The following PRR23D2 variants were observed in gnomAD, a reference collection of about 807,000 sequenced individuals.
PRR23D2 encodes the protein proline rich 23 domain containing 2, also known as proline-rich protein 23D2.
chr8:7,783,073 C>A (rs1486218070), upstream of PRR23D2, among the ~76,000 whole-genome samples: 3 of 152,214 alleles, frequency 2.0e-5, no homozygotes, highest in East Asian at 5.8e-4. Context: ...CTGTGTGTCA[C>A]GTCTAGCTGA....
At chr8:7,783,980 G>A (rs1386264652), upstream of PRR23D2, among the ~76,000 whole-genome samples, 11 of 141,446 alleles carry the variant, frequency 7.8e-5, no homozygotes, top group African/African-American at 2.2e-4. Context: ...GCCTGAGGAA[G>A]GGAAGTTCCC....
chr8:7,782,180 TAA>T (rs1194299424), upstream of PRR23D2, among the ~76,000 whole-genome samples: 8 of 66,878 alleles, frequency 1.2e-4, 3 homozygotes, highest in Admixed American at 1.5e-3. Context: ...GCGAATACTA[TAA>T]GACAAGCTGG....
upstream of PRR23D2, among the ~76,000 whole-genome samples, chr8:7,783,242 GAAT>G (rs1360588552): frequency 6.6e-4 from 99 of 149,924 alleles, no homozygotes; most frequent in Non-Finnish European, 1.3e-3. Context: ...CTGCAGCACA[GAAT>G]AATAACTTAT....
At chr8:7,783,206 G>A (rs1251645822), upstream of PRR23D2, among the ~76,000 whole-genome samples, 1 of 152,130 alleles carries the variant, frequency 6.6e-6, no homozygotes. Flanking sequence ...TAATAAATTT[G>A]CAGCATAAAT....
chr8:7,779,851 TG>T, intron 3 of PRR23D2, 58 bp from the exon 4 acceptor site: 1 of 162,696 alleles, frequency 6.1e-6, no homozygotes, highest in Non-Finnish European at 9.3e-6. Context: ...ATGATGCTCA[TG>T]GGGAGGGAGA....
At chr8:7,783,192 AAATT>A (rs1365873424), upstream of PRR23D2, among the ~76,000 whole-genome samples, 2 of 152,236 alleles carry the variant, frequency 1.3e-5, no homozygotes, top group Non-Finnish European at 2.9e-5. Flanking sequence ...TTTAATAGAT[AAATT>A]AATAAATTTG....
upstream of PRR23D2, among the ~76,000 whole-genome samples, chr8:7,783,189 GATAA>G (rs1468806016): frequency 1.3e-5 from 2 of 152,346 alleles, no homozygotes; most frequent in Non-Finnish European, 1.5e-5. Flanking sequence ...TGTTTTAATA[GATAA>G]ATTAATAAAT....
upstream of PRR23D2, among the ~76,000 whole-genome samples, chr8:7,782,776 GA>G (rs1309081278): frequency 1.3e-5 from 1 of 74,154 alleles, no homozygotes; most frequent in Non-Finnish European, 2.8e-5. Flanking sequence ...TGAATAAAAG[GA>G]AAACAGGAAG....
At chr8:7,783,892 C>T (rs1327696128), upstream of PRR23D2, among the ~76,000 whole-genome samples, 1 of 151,042 alleles carries the variant, frequency 6.6e-6, no homozygotes, top group African/African-American at 2.4e-5. Flanking sequence ...GCAGGTAGGG[C>T]TGTGAACAGC....
chr8:7,783,584 C>A (rs1280071673), upstream of PRR23D2, among the ~76,000 whole-genome samples: 1 of 86,736 alleles, frequency 1.2e-5, no homozygotes, highest in Non-Finnish European at 2.4e-5. Flanking sequence ...CGCCGCCGTG[C>A]CCCGGCCACA....
chr8:7,782,189 C>A (rs1394527927), upstream of PRR23D2, among the ~76,000 whole-genome samples: 1 of 67,670 alleles, frequency 1.5e-5, no homozygotes, highest in Non-Finnish European at 2.7e-5. Flanking sequence ...ATAAGACAAG[C>A]TGGGGAAAAT....
chr8:7,783,122 T>A (rs1166345677), upstream of PRR23D2, among the ~76,000 whole-genome samples: 1 of 152,290 alleles, frequency 6.6e-6, no homozygotes, highest in Admixed American at 6.5e-5. Context: ...AATAAAAATA[T>A]GAGGGACGTG....
chr8:7,784,124 G>A (rs1816548654), upstream of PRR23D2, among the ~76,000 whole-genome samples: 1 of 127,342 alleles, frequency 7.9e-6, no homozygotes, highest in Admixed American at 8.5e-5. Flanking sequence ...ACTGTTTAGC[G>A]GTTGACCTGC....
chr8:7,784,153 C>A (rs1339406392), upstream of PRR23D2, among the ~76,000 whole-genome samples: 3 of 121,868 alleles, frequency 2.5e-5, no homozygotes, highest in African/African-American at 5.3e-5. Context: ...CGCTGAAATT[C>A]CGGTTTTATC....
Position 7,780,041 on chromosome 8 carries a change from TG to T in PRR23D2, c.187del (p.Gln63SerfsTer18). 1.6e-6 allele frequency: 1 copy of T among 611,532 alleles called. No homozygotes were observed. Among genetic ancestry groups the T allele is most frequent in the Non-Finnish European group, 2.1e-6 (1 of 470,542 alleles). The allele number at this position is 611,532 out of a possible 1,614,324, so 37.9% of individuals were successfully genotyped here. A position where few individuals can be genotyped will look rare whatever the true frequency, so the allele number is the denominator to read the frequency against. On this transcript the variant is annotated frameshift_variant, in exon 3 of 4. Transcript: ENST00000528972. LOFTEE classifies it high-confidence loss of function. ...ACTTACCTGGGGAAGTTCCAGGGACTGGTATGAATTCAGGTGTGGAGCTCCT... is the reference window on the plus strand; with the variant it reads ...ACTTACCTGGGGAAGTTCCAGGGACTGTATGAATTCAGGTGTGGAGCTCCT... ...ISGAPHLNSY[Q>X]SLELPQNQQD... is the part of the protein sequence containing the mutation.
upstream of PRR23D2, among the ~76,000 whole-genome samples, chr8:7,783,710 T>TA (rs1816530654): frequency 9.6e-6 from 1 of 103,680 alleles, no homozygotes; most frequent in African/African-American, 3.1e-5. Context: ...TACGGCCTGC[T>TA]ATGGTTATCA....
chr8:7,784,009 G>A (rs1049779934), upstream of PRR23D2, among the ~76,000 whole-genome samples: 6 of 127,234 alleles, frequency 4.7e-5, no homozygotes, highest in African/African-American at 1.3e-4. Context: ...TGGCGATCTG[G>A]CCCCGCTTCC....
upstream of PRR23D2, among the ~76,000 whole-genome samples, chr8:7,783,600 CT>C: frequency 2.2e-5 from 2 of 89,790 alleles, no homozygotes; most frequent in South Asian, 1.0e-3. Flanking sequence ...CCACATACTC[CT>C]TCCTCTGCAG....
chr8:7,782,897 GGTAATTA>G (rs1816496649), upstream of PRR23D2, among the ~76,000 whole-genome samples: 1 of 136,992 alleles, frequency 7.3e-6, no homozygotes, highest in Admixed American at 7.5e-5. Flanking sequence ...GAGAACAGCA[GGTAATTA>G]GCTGAATATC....
Sources: gnomAD v4.1 joint callset for allele counts (sites outside exome capture counted in the v4.1 genomes callset) on GRCh38, gnomAD v4.1.1 for gene constraint, MANE v1.5 for transcripts, NCBI Gene and HGNC (gene_info 2026-07-23, HGNC 2026-07-21) for gene names.